NBEA: variants seen among roughly 807,000 people sequenced by gnomAD.
The protein encoded by NBEA is neurobeachin.
NBEA carries 44 observed loss-of-function variants against 343.4 expected under a neutral mutation model. The ratio of observed to expected loss-of-function variants is 0.13; its 90% CI spans 0.10 to 0.16. The LOEUF (loss-of-function observed/expected upper bound fraction) is 0.16. NBEA is among the 10% of genes least tolerant of loss of function. The pLI is 1.00. For synonymous variants in NBEA, 1,175 were observed against 1,238.7 expected, an observed-to-expected ratio of 0.95 and a Z score of 1.08; for missense variants, 2,555 against 3,631.3, an observed-to-expected ratio of 0.70 and a Z score of 7.62.
intron 39 of NBEA, among the ~76,000 whole-genome samples, chr13:35,443,195 C>A (rs1462983944): frequency 6.6e-6 from 1 of 152,034 alleles, no homozygotes; most frequent in African/African-American, 2.4e-5. Flanking sequence ...CAAAACACAG[C>A]CTACCTAAAG....
chr13:35,603,348 C>T (rs372486827), intron 47 of NBEA, among the ~76,000 whole-genome samples: 6 of 152,120 alleles, frequency 3.9e-5, no homozygotes, highest in East Asian at 1.9e-4. Flanking sequence ...CAAAACTTTG[C>T]GTTTGCCCAG....
intron 38 of NBEA, among the ~76,000 whole-genome samples, chr13:35,414,851 T>C (rs2043808503): frequency 6.6e-6 from 1 of 152,214 alleles, no homozygotes; most frequent in South Asian, 2.1e-4. Context: ...CTACCAACAG[T>C]GTAAAAGTGT....
rs902628754 is a variant in NBEA, at chr13:35,400,157, G to T, written c.6180-32112G>T. ...TGCTGTTGGGACTATGTCACGGATA[G>T]ATTTGCTAGATGCAGGGTTGCCACA... is the stretch of plus-strand genomic sequence containing the variant. On this transcript the variant is annotated intron_variant, in intron 38 of 58. Coordinates refer to ENST00000379939, the MANE Select transcript of NBEA (RefSeq NM_001385012.1). Among the ~76,000 whole-genome samples the T allele has an allele frequency of 3.4e-4, 43 of 127,004 alleles. 1 individual carries two copies. Among genetic ancestry groups the T allele is most frequent in the African/African-American group, 1.3e-3 (43 of 33,616 alleles). 83.3% of individuals were successfully genotyped at this position (127,004 alleles called of 152,430 possible).
chr13:35,501,551 C>A (rs140766429), intron 41 of NBEA, among the ~76,000 whole-genome samples: 125 of 152,150 alleles, frequency 8.2e-4, no homozygotes, highest in African/African-American at 2.9e-3. Flanking sequence ...ATAAAGTCAG[C>A]CTGGTAAATA....
intron 35 of NBEA, among the ~76,000 whole-genome samples, chr13:35,291,055 A>G (rs1296485138): frequency 2.0e-5 from 3 of 151,996 alleles, no homozygotes; most frequent in East Asian, 1.9e-4. Flanking sequence ...AAATAAATGT[A>G]AACATATTTT....
chr13:35,597,307 C>A (rs2081850410), intron 47 of NBEA, among the ~76,000 whole-genome samples: 1 of 152,166 alleles, frequency 6.6e-6, no homozygotes, highest in Admixed American at 6.5e-5. Context: ...CTATAATGTT[C>A]ATTTTGCCAT....
At chr13:35,459,844 TA>T (rs745804425) in intron 40 of NBEA, among the ~76,000 whole-genome samples, 69 of 152,272 alleles carry the variant, frequency 4.5e-4, no homozygotes, top group Admixed American at 8.5e-4. Context: ...ATATGTTCTT[TA>T]AAAAAGAATA....
chr13:35,211,855 C>T (rs188438247), intron 33 of NBEA, among the ~76,000 whole-genome samples: 2 of 151,826 alleles, frequency 1.3e-5, no homozygotes, highest in African/African-American at 2.4e-5. Context: ...AACAAACAAA[C>T]TAAGTAACTT....
intron 36 of NBEA, among the ~76,000 whole-genome samples, chr13:35,327,747 ATCC>A (rs2038665481): frequency 2.0e-5 from 3 of 151,914 alleles, no homozygotes; most frequent in Admixed American, 1.3e-4. Context: ...CCAGGTAACG[ATCC>A]TGCATCCCCT....
intron 18 of NBEA, among the ~76,000 whole-genome samples, chr13:35,152,934 A>G (rs2068889756): frequency 6.6e-6 from 1 of 151,578 alleles, no homozygotes; most frequent in African/African-American, 2.4e-5. Context: ...TTTGGGGCCC[A>G]TCTTGAGTCC....
chr13:35,563,822 G>A (rs1223509785), intron 44 of NBEA, among the ~76,000 whole-genome samples: 1 of 151,562 alleles, frequency 6.6e-6, no homozygotes, highest in Admixed American at 6.6e-5. Flanking sequence ...ATACGTGTGT[G>A]TGTATTTTTA....
At chr13:35,460,700 T>C in intron 40 of NBEA, among the ~76,000 whole-genome samples, 1 of 152,208 alleles carries the variant, frequency 6.6e-6, no homozygotes, top group East Asian at 1.9e-4. Flanking sequence ...ACAACATCCT[T>C]GATAACCAAA....
intron 47 of NBEA, among the ~76,000 whole-genome samples, chr13:35,597,594 A>T (rs2081865612): frequency 6.6e-6 from 1 of 152,150 alleles, no homozygotes; most frequent in Non-Finnish European, 1.5e-5. Context: ...AAACAATCCT[A>T]TGAGGTAGTA....
chr13:34,981,796 G>A (rs971856550), intron 1 of NBEA, among the ~76,000 whole-genome samples: 3 of 150,816 alleles, frequency 2.0e-5, no homozygotes, highest in African/African-American at 7.3e-5. Context: ...CCTTCATCTT[G>A]TGTCAGTAAA....
intron 34 of NBEA, among the ~76,000 whole-genome samples, chr13:35,279,778 A>G (rs1354324749): frequency 6.6e-6 from 1 of 152,066 alleles, no homozygotes; most frequent in Admixed American, 6.6e-5. Context: ...TTCCCATTAC[A>G]CATGCCCCTT....
chr13:35,218,830 A>G (rs540555795), intron 33 of NBEA, among the ~76,000 whole-genome samples: 1 of 152,142 alleles, frequency 6.6e-6, no homozygotes, highest in African/African-American at 2.4e-5. Flanking sequence ...AGAATTCTCA[A>G]TTTCTGTAAG....
intron 5 of NBEA, 94 bp downstream of exon 5, chr13:35,048,778 T>C (rs760249886): frequency 1.6e-4 from 105 of 669,622 alleles, no homozygotes; most frequent in Non-Finnish European, 2.2e-4. Flanking sequence ...AATATATGTA[T>C]ATATGTGCGT....
At chr13:35,418,600 G>C (rs1156869231) in intron 38 of NBEA, among the ~76,000 whole-genome samples, 1 of 151,882 alleles carries the variant, frequency 6.6e-6, no homozygotes, top group Admixed American at 6.6e-5. Context: ...ATAGAAAGAA[G>C]GATGGAAAGA....
rs1325429305 is a variant in NBEA, at chr13:35,581,748, G to T, written c.7036-2150G>T. On this transcript the variant is annotated intron_variant, in intron 45 of 58. Transcript: ENST00000379939. ...GGGACTGTTGTGGGGTGGGGGGAGGGGGGAGGGATAGCATCGGGAGATATA... is the reference window on the plus strand; with the variant it reads ...GGGACTGTTGTGGGGTGGGGGGAGGTGGGAGGGATAGCATCGGGAGATATA... 3.7e-5 allele frequency among the ~76,000 whole-genome samples: 4 copies of T among 107,628 alleles called. No individual in the cohort carries two copies. In the Admixed American group the frequency reaches 4.3e-4, roughly 12 times the overall value. The allele number at this position is 107,628 out of a possible 152,430, so 70.6% of individuals were successfully genotyped here.
Sources: allele counts gnomAD v4.1 joint callset (sites outside exome capture counted in the v4.1 genomes callset), GRCh38; gene constraint gnomAD v4.1.1; transcripts MANE v1.5; gene names NCBI Gene and HGNC (gene_info 2026-07-23, HGNC 2026-07-21).